The following NAV3 variants were observed in gnomAD, a reference collection of about 807,000 sequenced individuals.
NAV3 encodes the protein neuron navigator 3.
In NAV3, 87 loss-of-function variants were observed where a neutral mutation model predicts 244.7. The ratio of observed to expected loss-of-function variants is 0.36; its 90% CI spans 0.30 to 0.42. NAV3 has a LOEUF of 0.42. Ranked by LOEUF, NAV3 falls within the 20% of genes least tolerant of loss-of-function variation. The pLI is 1.00. For synonymous variants in NAV3, 1,126 were observed against 1,042.2 expected (o/e 1.08, Z -1.55); for missense variants, 2,663 against 2,893.3 (o/e 0.92, Z 1.83).
chr12:77,613,835 A>G (rs568328034), intron 2 of NAV3, among the ~76,000 whole-genome samples: 2 of 152,230 alleles, frequency 1.3e-5, no homozygotes, highest in South Asian at 4.1e-4. Context: ...TTTCTCTGAA[A>G]CACCATTTAT....
intron 29 of NAV3, 99 bp downstream of exon 29, chr12:78,179,781 C>T: frequency 7.6e-7 from 1 of 1,317,556 alleles, no homozygotes; most frequent in Non-Finnish European, 1.0e-6. Flanking sequence ...CACTTGGAAA[C>T]CCACCTTAGA....
chr12:78,060,784 T>C (rs1884215468), intron 12 of NAV3, among the ~76,000 whole-genome samples: 1 of 152,082 alleles, frequency 6.6e-6, no homozygotes, highest in African/African-American at 2.4e-5. Flanking sequence ...GTGGGCCACA[T>C]TTTGAAACTA....
rs566891897 is a variant in NAV3, at chr12:77,609,580, C to T, written c.72+37314C>T. Among the ~76,000 whole-genome samples, 13 of 152,070 alleles carry T rather than the reference C, an allele frequency of 8.5e-5. No individual in the cohort carries two copies. The East Asian group carries it at 1.6e-3, about 18-fold the overall frequency. On this transcript the variant is annotated intron_variant, in intron 2 of 8. Coordinates refer to the NAV3 transcript ENST00000550042. ...TTATTAAAAGTTAGCTTATAGGGCC[C>T]GATCCCTGAGTTGCTGATTTAATAA...
At chr12:77,997,647 T>C (rs1042441264) in intron 6 of NAV3, among the ~76,000 whole-genome samples, 2 of 152,262 alleles carry the variant, frequency 1.3e-5, no homozygotes, top group African/African-American at 4.8e-5. Context: ...GCATCCTTTC[T>C]TGTCACGTCT....
At chr12:77,638,009 T>C (rs1423896925) in intron 2 of NAV3, among the ~76,000 whole-genome samples, 4 of 152,214 alleles carry the variant, frequency 2.6e-5, no homozygotes, top group Admixed American at 2.6e-4. Flanking sequence ...GCAACCTTTG[T>C]GATGTGCTTT....
intron 31 of NAV3, among the ~76,000 whole-genome samples, chr12:78,187,476 T>C (rs1467474495): frequency 1.3e-5 from 2 of 151,952 alleles, no homozygotes; most frequent in South Asian, 2.1e-4. Context: ...TTTCTGGTCA[T>C]CATAATAGAG....
At chr12:78,040,954 T>C (rs1593360164) in intron 9 of NAV3, among the ~76,000 whole-genome samples, 1 of 152,368 alleles carries the variant, frequency 6.6e-6, no homozygotes, top group South Asian at 2.1e-4. Flanking sequence ...AGATTTTCTC[T>C]ACAAAACTTC....
chr12:77,924,138 T>A (rs1887969342), intron 1 of NAV3, among the ~76,000 whole-genome samples: 1 of 151,890 alleles, frequency 6.6e-6, no homozygotes, highest in Non-Finnish European at 1.5e-5. Flanking sequence ...GGGTATGGAG[T>A]TGAGATGCTT....
At chr12:77,731,156 A>G (rs1360561596) in intron 2 of NAV3, among the ~76,000 whole-genome samples, 1 of 152,034 alleles carries the variant, frequency 6.6e-6, no homozygotes, top group Non-Finnish European at 1.5e-5. Context: ...TGCAGAAGAG[A>G]GGCAAAGGTA....
At position 77,641,871 on chromosome 12, in the gene NAV3, G is replaced by A. The variant is rs1355306507; in HGVS notation, c.72+69605G>A. 4.6e-5 allele frequency among the ~76,000 whole-genome samples: 7 copies of A among 152,170 alleles called. No homozygotes were observed. In the East Asian group the frequency reaches 7.7e-4, roughly 17 times the overall value. On this transcript the variant is annotated intron_variant, in intron 2 of 8. Transcript: ENST00000550042. ...TAGGAATATTTCCAAGTATATGCTC[G>A]GGGAAAGCAACACCCAACCAAGGCA...
intron 12 of NAV3, among the ~76,000 whole-genome samples, chr12:78,102,642 C>T (rs1042361117): frequency 5.9e-5 from 9 of 152,224 alleles, no homozygotes; most frequent in Non-Finnish European, 1.3e-4. Flanking sequence ...TCATGAGGGC[C>T]GTGCCCCTGC....
intron 2 of NAV3, among the ~76,000 whole-genome samples, chr12:77,752,255 A>G (rs768670139): frequency 6.6e-6 from 1 of 152,130 alleles, no homozygotes; most frequent in Non-Finnish European, 1.5e-5. Flanking sequence ...TCTTTGGTGT[A>G]AAACATAAAA....
At chr12:77,884,898 G>A (rs1335858468) in intron 1 of NAV3, among the ~76,000 whole-genome samples, 1 of 152,080 alleles carries the variant, frequency 6.6e-6, no homozygotes, top group African/African-American at 2.4e-5. Flanking sequence ...AAGAAAGATT[G>A]ACAATTCCAA....
chr12:77,726,504 G>A (rs1876884804), intron 2 of NAV3, among the ~76,000 whole-genome samples: 3 of 151,846 alleles, frequency 2.0e-5, no homozygotes, highest in South Asian at 2.1e-4. Context: ...ATTAGTCAGA[G>A]TATGAATTTA....
chr12:77,647,107 A>G, intron 2 of NAV3, among the ~76,000 whole-genome samples: 1 of 151,896 alleles, frequency 6.6e-6, no homozygotes, highest in East Asian at 1.9e-4. Flanking sequence ...CCTTAGAGAG[A>G]TTTGTCGATG....
chr12:77,962,347 T>C (rs1232362386), intron 3 of NAV3, among the ~76,000 whole-genome samples: 3 of 152,172 alleles, frequency 2.0e-5, no homozygotes, highest in Non-Finnish European at 4.4e-5. Flanking sequence ...CTACGAACCA[T>C]CTACTTTTGA....
chr12:77,877,653 G>C (rs548422484), intron 1 of NAV3, among the ~76,000 whole-genome samples: 4 of 152,188 alleles, frequency 2.6e-5, no homozygotes, highest in African/African-American at 7.2e-5. Context: ...AATCCCCCAT[G>C]CATAAGAATT....
chr12:77,656,554 CAG>C (rs1474346754), intron 2 of NAV3, among the ~76,000 whole-genome samples: 5 of 125,532 alleles, frequency 4.0e-5, no homozygotes, highest in Non-Finnish European at 4.8e-5. Context: ...ATCAACAAGA[CAG>C]AAAGTCAACA....
chr12:78,183,175 AAAAC>A (rs1268223958), intron 30 of NAV3, among the ~76,000 whole-genome samples: 1 of 151,966 alleles, frequency 6.6e-6, no homozygotes, highest in Non-Finnish European at 1.5e-5. Flanking sequence ...AAACAAAACA[AAAAC>A]AAACAAACAA....
Sources: allele counts gnomAD v4.1 joint callset (sites outside exome capture counted in the v4.1 genomes callset), GRCh38; gene constraint gnomAD v4.1.1; transcripts MANE v1.5; gene names NCBI Gene and HGNC (gene_info 2026-07-23, HGNC 2026-07-21).